Variants in PACRGL observed in about 807,000 individuals in gnomAD.
The protein encoded by PACRGL is PACRG-like protein.
In PACRGL, 38 loss-of-function variants were observed where a neutral mutation model predicts 34.5. The ratio of observed to expected loss-of-function variants is 1.10; its 90% CI spans 0.85 to 1.44. The LOEUF is 1.44. Ranked by LOEUF, PACRGL falls within the 40% of genes most tolerant of loss-of-function variation. The pLI is 0.00. For missense variants in PACRGL, 305 were observed against 281.4 expected (o/e 1.08, Z -0.60); for synonymous variants, 128 against 100.1 (o/e 1.28, Z -1.66).
chr4:20,707,717 A>G lies in PACRGL; in HGVS notation c.208-86A>G. 1.0e-5 allele frequency: 11 copies of G among 1,064,244 alleles called. No individual in the cohort carries two copies. The South Asian group carries it at 1.0e-4, about 10-fold the overall frequency. 65.9% of individuals were successfully genotyped at this position (1,064,244 alleles called of 1,614,324 possible). On this transcript the variant is annotated intron_variant, in intron 3 of 8. Transcript: ENST00000503585. Reference sequence around the variant, plus strand: ...AGTAGAAACGGTGCGCTTCGATACCAGCTTGGCGGTTTGAAAAGCAAAATG... The same window carrying G: ...AGTAGAAACGGTGCGCTTCGATACCGGCTTGGCGGTTTGAAAAGCAAAATG...
Position 20,731,456 on chromosome 4 carries a change from G to A in PACRGL, c.*4115G>A. ...CTAACACTGGTTTCTTTGATAACAG[G>A]CTACTACCTGGAGTTCTCTTCAGAG... On this transcript the variant is annotated 3_prime_UTR_variant, in exon 9 of 9. Coordinates refer to ENST00000503585, the MANE Select transcript of PACRGL (RefSeq NM_001258345.3). The A allele has an allele frequency of 1.0e-6, 1 of 985,154 alleles. No homozygotes were observed. Among genetic ancestry groups the A allele is most frequent in the Non-Finnish European group, 1.2e-6 (1 of 829,758 alleles). 61.0% of individuals were successfully genotyped at this position (985,154 alleles called of 1,614,324 possible).
rs1560404697 is a variant in PACRGL at position 20,732,154 on chromosome 4, A to G, written c.*4813A>G. 2.3e-6 allele frequency: 2 copies of G among 882,910 alleles called. No homozygotes were observed. Among genetic ancestry groups the G allele is most frequent in the Non-Finnish European group, 3.6e-6 (2 of 552,412 alleles). The allele number at this position is 882,910 out of a possible 1,614,324, so 54.7% of individuals were successfully genotyped here. On this transcript the variant is annotated 3_prime_UTR_variant, in exon 9 of 9. Coordinates refer to ENST00000503585, the MANE Select transcript of PACRGL (RefSeq NM_001258345.3). ...ACCAAATGAGCTGAAGCTGATAAAA[A>G]GAAAACCTAGCTGCTTATTTATTTC...
chr4:20,736,429 TTGTA>T (rs888774851), downstream of PACRGL, among the ~76,000 whole-genome samples: 3 of 152,222 alleles, frequency 2.0e-5, no homozygotes, highest in Admixed American at 6.5e-5. Context: ...AACTAGTTGT[TTGTA>T]TGTATGAAAG....
At chr4:20,738,768 T>C (rs2149292080) in intron 8 of PACRGL, among the ~76,000 whole-genome samples, 1 of 152,084 alleles carries the variant, frequency 6.6e-6, no homozygotes, top group East Asian at 1.9e-4. Context: ...GCCCACAGAG[T>C]GTGAGCCGAA....
At position 20,730,171 on chromosome 4, in the gene PACRGL, G is replaced by A. The variant is rs1230194460; in HGVS notation, c.*2830G>A. Reference sequence around the variant, plus strand: ...CAGAGCGATTAAATTCAGCATATCTGCAAGGAAAAGTACACTATTTTGCCC... The same window carrying A: ...CAGAGCGATTAAATTCAGCATATCTACAAGGAAAAGTACACTATTTTGCCC... On this transcript the variant is annotated 3_prime_UTR_variant, in exon 9 of 9. Coordinates refer to ENST00000503585, the MANE Select transcript of PACRGL (RefSeq NM_001258345.3). 7.6e-6 allele frequency: 12 copies of A among 1,577,680 alleles called. No homozygotes were observed. The South Asian group carries it at 1.2e-4, about 16-fold the overall frequency.
rs12649419 is a variant in PACRGL, at chr4:20,729,875, C to A, written c.*2534C>A. 1,119 of 476,248 alleles carry A rather than the reference C, an allele frequency of 2.3e-3. 29 individuals are homozygous for A. The South Asian group carries it at 0.033, about 14-fold the overall frequency. 29.5% of individuals were successfully genotyped at this position (476,248 alleles called of 1,614,324 possible). A position where few individuals can be genotyped will look rare whatever the true frequency, so the allele number is the denominator to read the frequency against. ...AGTATGAAATGAGTTAGACCATCCC[C>A]TGAACTCAGTGGCATTATGAAAAGG... On this transcript the variant is annotated 3_prime_UTR_variant, in exon 9 of 9. Transcript: ENST00000503585.
the PACRGL span, among the ~76,000 whole-genome samples, chr4:20,766,050 ATGATGATAC>A: frequency 1.3e-5 from 2 of 152,180 alleles, no homozygotes; most frequent in Non-Finnish European, 2.9e-5. Flanking sequence ...GATGATGACA[ATGATGATAC>A]TGATGATATT....
At chr4:20,725,032 A>G in intron 8 of PACRGL, 144 bp downstream of exon 8, 1 of 501,770 alleles carries the variant, frequency 2.0e-6, no homozygotes, top group East Asian at 3.5e-5. Flanking sequence ...TCCTTTTAGA[A>G]CTCAAGAGTT....
the PACRGL span, among the ~76,000 whole-genome samples, chr4:20,759,916 G>A: frequency 6.6e-6 from 1 of 152,144 alleles, no homozygotes. Flanking sequence ...GACCACCGCG[G>A]ATACCAAAAT....
chr4:20,721,410 A>G (rs1743118113), intron 7 of PACRGL, among the ~76,000 whole-genome samples: 1 of 151,916 alleles, frequency 6.6e-6, no homozygotes, highest in Admixed American at 6.6e-5. Context: ...TTTGATTTTT[A>G]GAATTTTCAG....
intron 8 of PACRGL, among the ~76,000 whole-genome samples, chr4:20,741,753 A>T (rs1468008876): frequency 6.6e-6 from 1 of 152,182 alleles, no homozygotes; most frequent in Non-Finnish European, 1.5e-5. Context: ...GACACAAAAA[A>T]CCCTTCAAAA....
At chr4:20,710,529 A>G (rs1440693227) in intron 5 of PACRGL, among the ~76,000 whole-genome samples, 1 of 152,172 alleles carries the variant, frequency 6.6e-6, no homozygotes, top group East Asian at 1.9e-4. Context: ...ATTAGTAATA[A>G]AGCACCTGAG....
At chr4:20,719,309 G>A (rs759738717) in intron 7 of PACRGL, among the ~76,000 whole-genome samples, 1 of 152,038 alleles carries the variant, frequency 6.6e-6, no homozygotes, top group Non-Finnish European at 1.5e-5. Context: ...TTTGAAGGGT[G>A]TTTTGTGTCT....
chr4:20,705,048 A>T (rs922226866), intron 3 of PACRGL, among the ~76,000 whole-genome samples: 1 of 152,224 alleles, frequency 6.6e-6, no homozygotes, highest in Non-Finnish European at 1.5e-5. Flanking sequence ...ATTGTAGTGC[A>T]TAGAAAATTG....
At chr4:20,697,695 A>G (rs1443110511), upstream of PACRGL, among the ~76,000 whole-genome samples, 1 of 152,116 alleles carries the variant, frequency 6.6e-6, no homozygotes, top group African/African-American at 2.4e-5. Context: ...ACAGAAATTG[A>G]TTTCTCATGG....
At chr4:20,710,768 CTT>C (rs1225754661) in intron 5 of PACRGL, among the ~76,000 whole-genome samples, 1 of 152,076 alleles carries the variant, frequency 6.6e-6, no homozygotes, top group Non-Finnish European at 1.5e-5. Context: ...TGTTTACTCT[CTT>C]AAGAGTAAAC....
At chr4:20,762,874 G>A in the PACRGL span, among the ~76,000 whole-genome samples, 1 of 152,186 alleles carries the variant, frequency 6.6e-6, no homozygotes, top group South Asian at 2.1e-4. Flanking sequence ...TCACAGGTCA[G>A]CATCCCTGGG....
intron 5 of PACRGL, 158 bp downstream of exon 5, chr4:20,709,931 GATTCTTAT>G: frequency 1.7e-6 from 1 of 573,424 alleles, no homozygotes; most frequent in Non-Finnish European, 3.1e-6. Flanking sequence ...AATGAATTAT[GATTCTTAT>G]ATAGTTATTT....
chr4:20,761,215 C>T, the PACRGL span, among the ~76,000 whole-genome samples: 4 of 152,216 alleles, frequency 2.6e-5, no homozygotes, highest in Admixed American at 6.5e-5. Context: ...TTCTGAGGCT[C>T]CAGCTTGCCA....
Sources: gnomAD v4.1 joint callset for allele counts (sites outside exome capture counted in the v4.1 genomes callset) on GRCh38, gnomAD v4.1.1 for gene constraint, MANE v1.5 for transcripts, NCBI Gene and HGNC (gene_info 2026-07-23, HGNC 2026-07-21) for gene names.